The following LAMA2 variants were observed in gnomAD, a reference collection of about 807,000 sequenced individuals.
LAMA2 encodes the protein laminin subunit alpha 2.
A neutral mutation model predicts 364.8 loss-of-function variants in LAMA2; 269 were observed. The observed-to-expected ratio is 0.74, with a 90% confidence interval of 0.67 to 0.82. The LOEUF (loss-of-function observed/expected upper bound fraction) is 0.82. Among genes scored for constraint, LAMA2 ranks in the 40% least tolerant of loss-of-function variants. LAMA2 has a pLI of 0.00. For missense variants in LAMA2, 3,807 were observed against 3,873.2 expected, an observed-to-expected ratio of 0.98 and a Z score of 0.45; for synonymous variants, 1,379 against 1,370.6, an observed-to-expected ratio of 1.01 and a Z score of -0.14.
chr6:129,081,357 C>T (rs921663217), intron 3 of LAMA2, among the ~76,000 whole-genome samples: 54 of 152,142 alleles, frequency 3.5e-4, no homozygotes, highest in African/African-American at 1.2e-3. Flanking sequence ...CAAACCTGCA[C>T]ATTGTGCACA....
intron 40 of LAMA2, among the ~76,000 whole-genome samples, chr6:129,426,465 C>CT (rs924901674): frequency 1.4e-3 from 200 of 145,332 alleles, no homozygotes; most frequent in Middle Eastern, 3.5e-3. Context: ...TTTTGACACT[C>CT]TTTTTTTTTT....
At chr6:129,298,325 T>C (rs1411531973) in intron 21 of LAMA2, among the ~76,000 whole-genome samples, 1 of 152,102 alleles carries the variant, frequency 6.6e-6, no homozygotes, top group Non-Finnish European at 1.5e-5. Context: ...TCTTTTCATC[T>C]ACTTTTGGCT....
At chr6:129,223,682 A>T (rs265344) in intron 12 of LAMA2, among the ~76,000 whole-genome samples, 89,786 of 152,034 alleles carry the variant, frequency 0.59, 31,165 homozygotes, top group Non-Finnish European at 0.77. Flanking sequence ...TGAGGGCTCT[A>T]TTCTGTTCCA....
At chr6:129,065,234 T>C (rs1344058497) in intron 3 of LAMA2, among the ~76,000 whole-genome samples, 1 of 152,172 alleles carries the variant, frequency 6.6e-6, no homozygotes, top group Non-Finnish European at 1.5e-5. Flanking sequence ...TGTCAACAAA[T>C]TAGCTATAGA....
intron 6 of LAMA2, 31 bp from the exon 7 acceptor site, chr6:129,148,948 A>T: frequency 1.4e-6 from 2 of 1,459,338 alleles, no homozygotes. Flanking sequence ...AATGAGGCTA[A>T]AATTTGTGCT....
At chr6:129,272,680 C>A (rs1049091939) in intron 17 of LAMA2, among the ~76,000 whole-genome samples, 1 of 152,106 alleles carries the variant, frequency 6.6e-6, no homozygotes, top group Admixed American at 6.5e-5. Context: ...ATGCAGGGGT[C>A]CTCAACCATC....
At chr6:129,440,162 T>A (rs1782034203) in intron 42 of LAMA2, among the ~76,000 whole-genome samples, 1 of 151,970 alleles carries the variant, frequency 6.6e-6, no homozygotes, top group Admixed American at 6.6e-5. Context: ...ACCACTAACC[T>A]ATACACACTA....
intron 4 of LAMA2, among the ~76,000 whole-genome samples, chr6:129,119,406 A>G (rs1241028883): frequency 6.6e-6 from 1 of 152,244 alleles, no homozygotes; most frequent in African/African-American, 2.4e-5. Context: ...TTTCTTGATT[A>G]TAAGCAATGT....
rs146270739 is a variant in LAMA2, at chr6:129,235,483, A to G, written c.1783-14629A>G. On this transcript the variant is annotated intron_variant, in intron 12 of 64. Coordinates refer to ENST00000421865, the MANE Select transcript of LAMA2 (RefSeq NM_000426.4). ...AGAAAATAAGTGTCCAAAGCTGCATAAATATTTGCACCCCTTTGAGAGTAT... is the reference window on the plus strand; with the variant it reads ...AGAAAATAAGTGTCCAAAGCTGCATGAATATTTGCACCCCTTTGAGAGTAT... 2.6e-3 allele frequency among the ~76,000 whole-genome samples: 397 copies of G among 152,278 alleles called. 2 individuals are homozygous for G. Among genetic ancestry groups the G allele is most frequent in the African/African-American group, 9.1e-3 (377 of 41,558 alleles).
chr6:129,023,643 C>T (rs1053124203), intron 1 of LAMA2, among the ~76,000 whole-genome samples: 1 of 152,070 alleles, frequency 6.6e-6, no homozygotes, highest in Non-Finnish European at 1.5e-5. Flanking sequence ...CTTAATTTCT[C>T]TTAAATTGAT....
intron 4 of LAMA2, among the ~76,000 whole-genome samples, chr6:129,130,910 G>A (rs1021606982): frequency 3.3e-5 from 5 of 152,164 alleles, no homozygotes; most frequent in South Asian, 4.1e-4. Context: ...CTCATTGTGA[G>A]CCAGTTTAGA....
chr6:129,223,296 T>A (rs265345), intron 12 of LAMA2, among the ~76,000 whole-genome samples: 89,724 of 152,024 alleles, frequency 0.59, 31,134 homozygotes, highest in Non-Finnish European at 0.77. Flanking sequence ...GTAGGTTGCC[T>A]GTTCACTCTG....
At chr6:129,392,972 T>C (rs1382302384) in intron 36 of LAMA2, 73 bp from the exon 37 acceptor site, 5 of 1,128,732 alleles carry the variant, frequency 4.4e-6, no homozygotes, top group Non-Finnish European at 6.5e-6. Flanking sequence ...CTTTGTAACA[T>C]GGTTTAATAC....
At position 129,492,060 on chromosome 6, in the gene LAMA2, T is replaced by A. The variant is rs1161708836; in HGVS notation, c.8058T>A (p.Asn2686Lys). The change falls in exon 57 of 65, where the codon AAT becomes AAA. Residue 2686 changes from asparagine to lysine, a missense_variant. By Grantham distance (94) the Asn-to-Lys change is moderately conservative. Around this residue, in one of 3 missense-constraint regions of LAMA2, gnomAD observed 3,333 missense variants for 3,345.7 expected, o/e 1.00. Coordinates refer to ENST00000421865, the MANE Select transcript of LAMA2 (RefSeq NM_000426.4). ...CTCCTTTTGAAGGCTGCATATGGAA[T>A]CTTGTTATTAACTCTGTGTAAGTGG... Reference protein sequence around the residue: ...NIPPFEGCIWNLVINSVPMDF... With the variant: ...NIPPFEGCIWKLVINSVPMDF... The A allele has an allele frequency of 6.2e-7, 1 of 1,613,948 alleles. No individual in the cohort carries two copies. Among genetic ancestry groups the A allele is most frequent in the East Asian group, 2.2e-5 (1 of 44,860 alleles).
intron 3 of LAMA2, among the ~76,000 whole-genome samples, chr6:129,096,438 A>G (rs1775193114): frequency 6.6e-6 from 1 of 152,216 alleles, no homozygotes; most frequent in Non-Finnish European, 1.5e-5. Flanking sequence ...TAATATGTTC[A>G]CATAATTCCT....
At position 129,380,151 on chromosome 6, in the gene LAMA2, A is replaced by G. The variant is rs572231642; in HGVS notation, c.4960-2971A>G. Among the ~76,000 whole-genome samples, 10 of 152,324 alleles carry G rather than the reference A, an allele frequency of 6.6e-5. No homozygotes were observed. The East Asian group carries it at 1.3e-3, about 21-fold the overall frequency. On this transcript the variant is annotated intron_variant, in intron 34 of 64. Coordinates refer to ENST00000421865, the MANE Select transcript of LAMA2 (RefSeq NM_000426.4). ...AATCTAAGAAAAGAGAGCATGTGCTAGAATAGGTAAGGAGGGCTTCACTGA... is the reference window on the plus strand; with the variant it reads ...AATCTAAGAAAAGAGAGCATGTGCTGGAATAGGTAAGGAGGGCTTCACTGA...
chr6:128,923,223 T>G (rs1778853684), intron 1 of LAMA2, among the ~76,000 whole-genome samples: 1 of 151,096 alleles, frequency 6.6e-6, no homozygotes, highest in Non-Finnish European at 1.5e-5. Context: ...AACTTTAAAG[T>G]AGTTTTTTCC....
intron 4 of LAMA2, among the ~76,000 whole-genome samples, chr6:129,108,961 C>T (rs1775985808): frequency 6.6e-6 from 1 of 152,072 alleles, no homozygotes; most frequent in Non-Finnish European, 1.5e-5. Flanking sequence ...ATAGAAGCTA[C>T]TTAAAAAGTG....
intron 1 of LAMA2, among the ~76,000 whole-genome samples, chr6:129,037,845 AT>A (rs571900209): frequency 6.6e-6 from 1 of 151,852 alleles, no homozygotes; most frequent in African/African-American, 2.4e-5. Flanking sequence ...AATTTTTTGT[AT>A]TTTTAGTAGA....
Sources: allele counts gnomAD v4.1 joint callset (sites outside exome capture counted in the v4.1 genomes callset), GRCh38; gene constraint gnomAD v4.1.1; regional missense constraint gnomAD v4.1.1; transcripts MANE v1.5; gene names NCBI Gene and HGNC (gene_info 2026-07-23, HGNC 2026-07-21).